CCDC146: variants seen among roughly 807,000 people sequenced by gnomAD.
CCDC146 encodes the protein coiled-coil domain-containing protein 146.
Under a neutral mutation model 119.3 loss-of-function variants are expected in CCDC146, and 92 were observed. The observed-to-expected ratio is 0.77, with a 90% CI of 0.65 to 0.92. The LOEUF is 0.92. Among genes scored for constraint, CCDC146 ranks in the 40% least tolerant of loss-of-function variants. The pLI, the probability that CCDC146 is intolerant of heterozygous loss-of-function variation, is 0.00. For missense variants in CCDC146, 1,000 were observed against 1,103.0 expected (o/e 0.91, Z 1.32); for synonymous variants, 372 against 371.8 (o/e 1.00, Z -0.01).
At chr7:77,190,610 G>T (rs961764720) in intron 2 of CCDC146, among the ~76,000 whole-genome samples, 1 of 152,158 alleles carries the variant, frequency 6.6e-6, no homozygotes, top group Admixed American at 6.5e-5. Flanking sequence ...AAAAGCAAGG[G>T]GGGGCCCACT....
chr7:77,205,493 C>G (rs905722577), intron 2 of CCDC146, among the ~76,000 whole-genome samples: 1 of 152,240 alleles, frequency 6.6e-6, no homozygotes, highest in Non-Finnish European at 1.5e-5. Context: ...CATGCTGGCT[C>G]AGGCCTGTAA....
chr7:77,286,044 T>C (rs1793842381), intron 15 of CCDC146, among the ~76,000 whole-genome samples: 1 of 152,186 alleles, frequency 6.6e-6, no homozygotes, highest in South Asian at 2.1e-4. Context: ...TGTTAGTTCA[T>C]TTGCATTGCT....
intron 2 of CCDC146, among the ~76,000 whole-genome samples, chr7:77,205,200 T>C (rs1323717632): frequency 6.6e-6 from 1 of 152,244 alleles, no homozygotes; most frequent in Non-Finnish European, 1.5e-5. Context: ...AGTTGTTTCC[T>C]ATAAAGTCAT....
chr7:77,273,714 T>C lies in CCDC146; in HGVS notation c.1194T>C (p.Asp398=), dbSNP rs1344913186. ...LLLEMEAIPK[D]DSTLSERRRE... is the part of the protein sequence containing the mutation. ...TCCAGATGGAAGCTATCCCCAAAGATGATTCTACATTATCTGAGAGAAGGC... is the reference window on the plus strand; with the variant it reads ...TCCAGATGGAAGCTATCCCCAAAGACGATTCTACATTATCTGAGAGAAGGC... The change falls in exon 10 of 19, where the codon GAT becomes GAC. Residue 398 remains aspartate (D), a synonymous_variant. Transcript: ENST00000285871. 2 of 1,610,108 alleles carry C rather than the reference T, an allele frequency of 1.2e-6. No homozygotes were observed. Among genetic ancestry groups the C allele is most frequent in the Admixed American group, 3.3e-5 (2 of 59,762 alleles).
chr7:77,251,342 T>A (rs1321185198), intron 4 of CCDC146, among the ~76,000 whole-genome samples: 1 of 152,038 alleles, frequency 6.6e-6, no homozygotes, highest in Non-Finnish European at 1.5e-5. Flanking sequence ...TTTTTATTAT[T>A]TCTTAGAATT....
At chr7:77,212,212 A>C (rs1236061967) in intron 2 of CCDC146, among the ~76,000 whole-genome samples, 5 of 152,256 alleles carry the variant, frequency 3.3e-5, no homozygotes, top group Non-Finnish European at 2.9e-5. Context: ...AAATAAATAT[A>C]CAAATACATA....
chr7:77,289,779 C>T (rs144274885), intron 17 of CCDC146, among the ~76,000 whole-genome samples: 2 of 152,264 alleles, frequency 1.3e-5, no homozygotes, highest in African/African-American at 4.8e-5. Flanking sequence ...CTTGGAGCAA[C>T]CCAGGATAAT....
intron 14 of CCDC146, among the ~76,000 whole-genome samples, chr7:77,281,959 G>T (rs1426840045): frequency 1.3e-5 from 2 of 152,228 alleles, no homozygotes; most frequent in Non-Finnish European, 2.9e-5. Context: ...ATGCAGACCA[G>T]AGCTGCTGGG....
At chr7:77,150,919 C>T (rs1008337549) in intron 1 of CCDC146, among the ~76,000 whole-genome samples, 2 of 152,182 alleles carry the variant, frequency 1.3e-5, no homozygotes, top group Non-Finnish European at 1.5e-5. Flanking sequence ...AGATGAATCT[C>T]AAAAACCTTA....
chr7:77,259,166 G>A, intron 7 of CCDC146, 98 bp downstream of exon 7: 1 of 690,058 alleles, frequency 1.4e-6, no homozygotes, highest in Non-Finnish European at 2.4e-6. Flanking sequence ...AAATTACTAT[G>A]ATAATTTTAG....
intron 4 of CCDC146, among the ~76,000 whole-genome samples, chr7:77,251,277 C>T (rs568350648): frequency 5.3e-5 from 8 of 152,268 alleles, no homozygotes; most frequent in African/African-American, 1.9e-4. Flanking sequence ...CCGCCTCAGC[C>T]TCCCAAAGTG....
intron 1 of CCDC146, among the ~76,000 whole-genome samples, chr7:77,160,065 G>A (rs569884440): frequency 6.6e-6 from 1 of 152,330 alleles, no homozygotes; most frequent in Non-Finnish European, 1.5e-5. Context: ...GTTTGTCAAA[G>A]ATCAGATAGT....
At chr7:77,135,901 A>C (rs1227152310) in intron 1 of CCDC146, among the ~76,000 whole-genome samples, 1 of 152,218 alleles carries the variant, frequency 6.6e-6, no homozygotes, top group Non-Finnish European at 1.5e-5. Flanking sequence ...TCAAAAAGGA[A>C]AGTTATCAGT....
intron 2 of CCDC146, among the ~76,000 whole-genome samples, chr7:77,222,976 G>A (rs552707373): frequency 4.5e-4 from 69 of 152,310 alleles, no homozygotes; most frequent in African/African-American, 1.5e-3. Context: ...TCCTGACTCC[G>A]ACTGTGTTCT....
chr7:77,292,509 C>T (rs1793966585), intron 17 of CCDC146, among the ~76,000 whole-genome samples: 3 of 145,326 alleles, frequency 2.1e-5, no homozygotes, highest in African/African-American at 7.7e-5. Flanking sequence ...CCCAGCTACT[C>T]GGGAGGCTGA....
intron 4 of CCDC146, among the ~76,000 whole-genome samples, chr7:77,253,358 G>C (rs1417236511): frequency 2.0e-5 from 3 of 152,172 alleles, no homozygotes; most frequent in Non-Finnish European, 4.4e-5. Context: ...AACTGAAACT[G>C]AGCTCTTCAA....
chr7:77,133,855 TCACA>T lies in CCDC146; in HGVS notation c.-12+11130_-12+11133del, dbSNP rs774835301. Among the ~76,000 whole-genome samples the T allele has an allele frequency of 6.1e-3, 718 of 117,206 alleles. 2 individuals are homozygous for T. The highest frequency in any genetic ancestry group is 0.011 in the Non-Finnish European group (530 of 49,786). 76.9% of individuals were successfully genotyped at this position (117,206 alleles called of 152,430 possible). A position where few individuals can be genotyped will look rare whatever the true frequency, so the allele number is the denominator to read the frequency against. On this transcript the variant is annotated intron_variant, in intron 1 of 18. Transcript: ENST00000285871. ...CACACACACACACACACACACACAC[TCACA>T]CACACATATATGCTTCTATATGAGT...
intron 1 of CCDC146, among the ~76,000 whole-genome samples, chr7:77,151,580 T>A (rs1309881345): frequency 6.6e-6 from 1 of 152,196 alleles, no homozygotes; most frequent in East Asian, 1.9e-4. Flanking sequence ...ACACTTAAAC[T>A]TGTGAGTTTT....
chr7:77,245,090 C>G (rs576758838), intron 4 of CCDC146, among the ~76,000 whole-genome samples: 1 of 152,294 alleles, frequency 6.6e-6, no homozygotes, highest in Non-Finnish European at 1.5e-5. Context: ...TGTATGTTCA[C>G]ATAACATAAA....
Sources: allele counts gnomAD v4.1 joint callset (sites outside exome capture counted in the v4.1 genomes callset), GRCh38; gene constraint gnomAD v4.1.1; transcripts MANE v1.5; gene names NCBI Gene and HGNC (gene_info 2026-07-23, HGNC 2026-07-21).